Variants in NLGN1 observed in about 807,000 individuals in gnomAD.
NLGN1 encodes the protein neuroligin-1.
NLGN1 carries 12 observed loss-of-function variants against 65.5 expected under a neutral mutation model. The observed-to-expected ratio is 0.18, with a 90% CI of 0.12 to 0.30. NLGN1 has a LOEUF of 0.30. NLGN1 is among the 10% of genes least tolerant of loss of function. The pLI is 1.00. For synonymous variants in NLGN1, 350 were observed against 359.5 expected, an observed-to-expected ratio of 0.97 and a Z score of 0.30; for missense variants, 750 against 1,007.1, an observed-to-expected ratio of 0.74 and a Z score of 3.46.
rs144725343 is a variant in NLGN1 at position 174,122,658 on chromosome 3, T to C, written c.647-152657T>C. Among the ~76,000 whole-genome samples the C allele has an allele frequency of 2.7e-3, 418 of 152,218 alleles. 3 individuals carry two copies. The highest frequency in any genetic ancestry group is 9.5e-3 in the African/African-American group (396 of 41,550). ...CAAATTTGCCCTTCAGATTTAACAA[T>C]GACGTTGTTTTTAAGCCAAAGCCCA... On this transcript the variant is annotated intron_variant, in intron 4 of 6. Coordinates refer to ENST00000457714, the Ensembl canonical transcript of NLGN1.
chr3:173,790,399 C>G (rs1489394185), intron 3 of NLGN1, among the ~76,000 whole-genome samples: 1 of 152,094 alleles, frequency 6.6e-6, no homozygotes, highest in Non-Finnish European at 1.5e-5. Context: ...GCCCTAGATT[C>G]TTTCTCAACC....
chr3:174,169,305 CAG>C (rs1728094697), intron 4 of NLGN1, among the ~76,000 whole-genome samples: 1 of 152,062 alleles, frequency 6.6e-6, no homozygotes, highest in Non-Finnish European at 1.5e-5. Context: ...GGATATAGAT[CAG>C]AGAGGACCTT....
In NLGN1 at chr3:174,126,190, CTTTG is replaced by C. The variant is rs748397762; in HGVS notation, c.647-149108_647-149105del. ...TGGATTTGCTGTATTGTCACTGTTT[CTTTG>C]TTTGTTTGTTTGTTTGGGCTTTAAA... On this transcript the variant is annotated intron_variant, in intron 4 of 6. Transcript: ENST00000457714. Among the ~76,000 whole-genome samples the C allele has an allele frequency of 3.9e-4, 59 of 152,024 alleles. No homozygotes were observed. The South Asian group carries it at 5.8e-3, about 15-fold the overall frequency.
intron 4 of NLGN1, among the ~76,000 whole-genome samples, chr3:173,839,044 T>C (rs907008800): frequency 6.6e-6 from 1 of 152,004 alleles, no homozygotes; most frequent in African/African-American, 2.4e-5. Context: ...TGCAGATAAA[T>C]GTTGACCCTC....
intron 2 of NLGN1, among the ~76,000 whole-genome samples, chr3:173,539,672 T>C (rs1467631315): frequency 7.2e-6 from 1 of 139,786 alleles, no homozygotes; most frequent in Non-Finnish European, 1.5e-5. Flanking sequence ...TATATGCACA[T>C]ATATAACATA....
chr3:173,907,672 C>G (rs1167514167), intron 4 of NLGN1, among the ~76,000 whole-genome samples: 1 of 150,200 alleles, frequency 6.7e-6, no homozygotes, highest in African/African-American at 2.5e-5. Context: ...GAAACCTCTG[C>G]CTCCCAGGTT....
intron 3 of NLGN1, among the ~76,000 whole-genome samples, chr3:173,627,244 ACT>A (rs984611819): frequency 2.6e-5 from 4 of 151,914 alleles, no homozygotes; most frequent in African/African-American, 9.7e-5. Context: ...CCACCATTTG[ACT>A]CTGTGCTTTA....
At chr3:174,200,815 T>G (rs1342418167) in intron 4 of NLGN1, among the ~76,000 whole-genome samples, 1 of 152,186 alleles carries the variant, frequency 6.6e-6, no homozygotes, top group Non-Finnish European at 1.5e-5. Context: ...TCCTCCACTA[T>G]ATATTTTCCT....
At chr3:173,981,546 T>C (rs1201171503) in intron 4 of NLGN1, among the ~76,000 whole-genome samples, 2 of 152,154 alleles carry the variant, frequency 1.3e-5, no homozygotes, top group Non-Finnish European at 2.9e-5. Context: ...TTTTATCTGG[T>C]ACATTACATT....
In NLGN1 at chr3:173,685,494, G is replaced by A. The variant is rs1303032485; in HGVS notation, c.493+80403G>A. Among the ~76,000 whole-genome samples, 2 of 151,968 alleles carry A rather than the reference G, an allele frequency of 1.3e-5. 1 individual carries two copies. Among genetic ancestry groups the A allele is most frequent in the South Asian group, 4.2e-4 (2 of 4,818 alleles). On this transcript the variant is annotated intron_variant, in intron 3 of 6. Coordinates refer to ENST00000457714, the Ensembl canonical transcript of NLGN1. ...TAAACAATATTGCTGGGTGATTTTC[G>A]AGGCCTTAAGTTAATAGTTACCACT...
intron 3 of NLGN1, among the ~76,000 whole-genome samples, chr3:173,719,835 C>T (rs1311711637): frequency 6.6e-6 from 1 of 152,080 alleles, no homozygotes; most frequent in Non-Finnish European, 1.5e-5. Context: ...GATTTCTGGG[C>T]CAGACACAGT....
intron 2 of NLGN1, among the ~76,000 whole-genome samples, chr3:173,486,395 G>C (rs1057415595): frequency 6.6e-6 from 1 of 151,994 alleles, no homozygotes; most frequent in Admixed American, 6.6e-5. Flanking sequence ...GATATTTTGA[G>C]GTGAAATTAT....
At chr3:174,042,734 A>T (rs1158867569) in intron 4 of NLGN1, among the ~76,000 whole-genome samples, 1 of 152,206 alleles carries the variant, frequency 6.6e-6, no homozygotes, top group Non-Finnish European at 1.5e-5. Flanking sequence ...AAACATTTTT[A>T]TGATGTCCAC....
intron 4 of NLGN1, among the ~76,000 whole-genome samples, chr3:174,151,064 A>G (rs115221943): frequency 0.017 from 2,615 of 152,010 alleles, 34 homozygotes; most frequent in Non-Finnish European, 0.028. Flanking sequence ...TACAGCTCAC[A>G]TAATCCCCTC....
chr3:173,976,498 T>A (rs1004034384), intron 4 of NLGN1, among the ~76,000 whole-genome samples: 2 of 152,070 alleles, frequency 1.3e-5, no homozygotes, highest in African/African-American at 4.8e-5. Flanking sequence ...CCAATCAAGC[T>A]GGAGGTAATA....
At chr3:173,845,348 A>C (rs1725526130) in intron 4 of NLGN1, among the ~76,000 whole-genome samples, 1 of 152,062 alleles carries the variant, frequency 6.6e-6, no homozygotes, top group South Asian at 2.1e-4. Context: ...GTACTGGGAG[A>C]CAGTAAGCCA....
chr3:173,716,370 A>G (rs951866472), intron 3 of NLGN1, among the ~76,000 whole-genome samples: 1 of 152,190 alleles, frequency 6.6e-6, no homozygotes, highest in Non-Finnish European at 1.5e-5. Context: ...TACCACCTAT[A>G]CATTGTGTTA....
chr3:173,579,788 C>T (rs1037396144), intron 2 of NLGN1, among the ~76,000 whole-genome samples: 3 of 152,054 alleles, frequency 2.0e-5, no homozygotes, highest in Non-Finnish European at 4.4e-5. Flanking sequence ...TTCATAATTC[C>T]CAATTGCCAT....
At chr3:173,762,597 C>A (rs1019378714) in intron 3 of NLGN1, among the ~76,000 whole-genome samples, 1 of 151,956 alleles carries the variant, frequency 6.6e-6, no homozygotes, top group Non-Finnish European at 1.5e-5. Flanking sequence ...GTTTACTACA[C>A]AATGAGCCTA....
Sources: gnomAD v4.1 joint callset for allele counts (sites outside exome capture counted in the v4.1 genomes callset) on GRCh38, gnomAD v4.1.1 for gene constraint, MANE v1.5 for transcripts, NCBI Gene and HGNC (gene_info 2026-07-23, HGNC 2026-07-21) for gene names.